The following TBX15 variants were observed in gnomAD, a reference collection of about 807,000 sequenced individuals.
TBX15 encodes T-box transcription factor TBX15.
TBX15 carries 18 observed loss-of-function variants against 53.9 expected under a neutral mutation model. The ratio of observed to expected loss-of-function variants is 0.33; its 90% CI spans 0.23 to 0.49. TBX15 has a LOEUF of 0.49. Ranked by LOEUF, TBX15 falls within the 20% of genes least tolerant of loss-of-function variation. The probability of loss-of-function intolerance (pLI) is 0.98; values close to 1 mark genes in which losing one functional copy is unlikely to be tolerated. For synonymous variants in TBX15, 295 were observed against 278.0 expected (o/e 1.06, Z -0.61); for missense variants, 692 against 749.5 (o/e 0.92, Z 0.90).
intron 7 of TBX15, among the ~76,000 whole-genome samples, chr1:118,897,204 G>T (rs1654460026): frequency 6.6e-6 from 1 of 152,130 alleles, no homozygotes; most frequent in Non-Finnish European, 1.5e-5. Context: ...GTCCCTCAAT[G>T]ATCACTCCTT....
chr1:118,973,960 C>T (rs1033599779), intron 1 of TBX15, among the ~76,000 whole-genome samples: 2 of 152,178 alleles, frequency 1.3e-5, no homozygotes, highest in African/African-American at 2.4e-5. Flanking sequence ...CACAGTTGTA[C>T]CAGATGGGAT....
intron 1 of TBX15, among the ~76,000 whole-genome samples, chr1:118,957,578 G>A (rs368569051): frequency 1.3e-5 from 2 of 152,046 alleles, no homozygotes; most frequent in Admixed American, 6.5e-5. Context: ...CCATTAACTC[G>A]TCATTTAACA....
chr1:118,934,015 A>G (rs897807365), intron 1 of TBX15, among the ~76,000 whole-genome samples: 12 of 152,288 alleles, frequency 7.9e-5, no homozygotes, highest in African/African-American at 2.2e-4. Context: ...TATTAATGGT[A>G]GCTAAATTGA....
intron 1 of TBX15, among the ~76,000 whole-genome samples, chr1:118,960,237 A>C (rs1241048295): frequency 6.6e-6 from 1 of 152,144 alleles, no homozygotes; most frequent in Non-Finnish European, 1.5e-5. Flanking sequence ...TGACTTTCCA[A>C]CTAAGTACAT....
At chr1:118,914,052 A>G in intron 6 of TBX15, 63 bp downstream of exon 6, 1 of 1,555,956 alleles carries the variant, frequency 6.4e-7, no homozygotes. Flanking sequence ...ATCAACCATC[A>G]GCAGGATGTG....
At position 118,914,177 on chromosome 1, in the gene TBX15, A is replaced by AATCTGGTT; in HGVS notation, c.863_864insAACCAGAT (p.Lys292ProfsTer3). On this transcript the variant is annotated frameshift_variant and splice_region_variant, in exon 6 of 8. Transcript: ENST00000369429. LOFTEE classifies it high-confidence loss of function. ...GGTTTCGGTCAATTTTTAATCTGGTAATCTGGAAACAAACAAATAAGTATG... is the reference window on the plus strand; with the variant it reads ...GGTTTCGGTCAATTTTTAATCTGGTAATCTGGTTATCTGGAAACAAACAAATAAGTATG... 6.2e-7 allele frequency: 1 copy of AATCTGGTT among 1,613,518 alleles called. No homozygotes were observed. The highest frequency in any genetic ancestry group is 8.5e-7 in the Non-Finnish European group (1 of 1,179,616).
At chr1:118,984,966 G>A (rs1657780373) in intron 1 of TBX15, among the ~76,000 whole-genome samples, 1 of 152,142 alleles carries the variant, frequency 6.6e-6, no homozygotes, top group Non-Finnish European at 1.5e-5. Flanking sequence ...CCTCGTCTTT[G>A]AATGAAAGTT....
intron 7 of TBX15, among the ~76,000 whole-genome samples, chr1:118,893,068 G>C (rs1424705535): frequency 2.0e-5 from 3 of 151,648 alleles, no homozygotes; most frequent in Non-Finnish European, 4.4e-5. Context: ...GTGAAACCAC[G>C]TCTCTACAAA....
chr1:118,973,901 A>G (rs1400745701), intron 1 of TBX15, among the ~76,000 whole-genome samples: 1 of 152,108 alleles, frequency 6.6e-6, no homozygotes, highest in Non-Finnish European at 1.5e-5. Context: ...TCAGAATATC[A>G]CAGAGATGCC....
At chr1:118,905,313 C>T (rs1389285871) in intron 6 of TBX15, among the ~76,000 whole-genome samples, 2 of 152,154 alleles carry the variant, frequency 1.3e-5, no homozygotes, top group African/African-American at 4.8e-5. Flanking sequence ...ATTAAAAAGA[C>T]GTCTCTCTGT....
At chr1:118,969,047 CCTT>C (rs1657147055) in intron 1 of TBX15, among the ~76,000 whole-genome samples, 1 of 152,198 alleles carries the variant, frequency 6.6e-6, no homozygotes, top group South Asian at 2.1e-4. Context: ...GTTAGAAAAA[CCTT>C]CTTGCAAGTC....
chr1:118,987,406 C>A (rs534574816), intron 1 of TBX15, among the ~76,000 whole-genome samples, 185 bp downstream of exon 1: 1 of 152,362 alleles, frequency 6.6e-6, no homozygotes, highest in South Asian at 2.1e-4. Context: ...AGGCTCAGTC[C>A]AGCCCCAAAA....
At chr1:118,972,923 A>G (rs1473812130) in intron 1 of TBX15, among the ~76,000 whole-genome samples, 3 of 152,202 alleles carry the variant, frequency 2.0e-5, no homozygotes, top group Non-Finnish European at 2.9e-5. Context: ...TAAAAACACT[A>G]AAGAGTGTCT....
chr1:118,927,916 G>A (rs893746277), intron 2 of TBX15, among the ~76,000 whole-genome samples: 1 of 152,220 alleles, frequency 6.6e-6, no homozygotes, highest in South Asian at 2.1e-4. Flanking sequence ...TATGCAAAAT[G>A]CTGCATTAAG....
At chr1:118,941,287 C>T (rs1416523683) in intron 1 of TBX15, among the ~76,000 whole-genome samples, 13 of 152,122 alleles carry the variant, frequency 8.5e-5, no homozygotes, top group Admixed American at 8.5e-4. Flanking sequence ...TCCCACTGAG[C>T]ACCAATAAAT....
chr1:118,891,612 T>A (rs1215777679), intron 7 of TBX15, among the ~76,000 whole-genome samples: 1 of 152,188 alleles, frequency 6.6e-6, no homozygotes, highest in Non-Finnish European at 1.5e-5. Flanking sequence ...GATGACTCAA[T>A]TAAAGACAAT....
At chr1:118,942,559 A>G (rs1281443680) in intron 1 of TBX15, among the ~76,000 whole-genome samples, 1 of 152,118 alleles carries the variant, frequency 6.6e-6, no homozygotes, top group East Asian at 1.9e-4. Context: ...TGAAATCCCT[A>G]TTAAGTCCTA....
At chr1:118,913,996 G>A (rs753994722) in intron 6 of TBX15, 119 bp downstream of exon 6, 302 of 975,400 alleles carry the variant, frequency 3.1e-4, no homozygotes, top group Non-Finnish European at 4.4e-4. Flanking sequence ...TTGCCGAAGT[G>A]TACACAGTGG....
chr1:118,977,393 T>C (rs1368788563), intron 1 of TBX15, among the ~76,000 whole-genome samples: 1 of 152,220 alleles, frequency 6.6e-6, no homozygotes, highest in East Asian at 1.9e-4. Context: ...ATCATTATTA[T>C]AGTTTTGTTA....
Sources: gnomAD v4.1 joint callset for allele counts (sites outside exome capture counted in the v4.1 genomes callset) on GRCh38, gnomAD v4.1.1 for gene constraint, MANE v1.5 for transcripts, NCBI Gene and HGNC (gene_info 2026-07-23, HGNC 2026-07-21) for gene names.